GLRX3: variants seen among roughly 807,000 people sequenced by gnomAD.
GLRX3 encodes glutaredoxin 3.
In GLRX3, 22 loss-of-function variants were observed where a neutral mutation model predicts 49.5. That is an observed-to-expected ratio of 0.44 (90% confidence interval 0.32 to 0.63). GLRX3 has a LOEUF of 0.63. Ranked by LOEUF, GLRX3 falls within the 30% of genes least tolerant of loss-of-function variation. GLRX3 has a pLI of 0.05. For synonymous variants in GLRX3, 133 were observed against 140.0 expected (o/e 0.95, Z 0.35); for missense variants, 385 against 396.3 (o/e 0.97, Z 0.24).
At chr10:130,169,929 T>G (rs1862772557) in intron 7 of GLRX3, among the ~76,000 whole-genome samples, 1 of 152,252 alleles carries the variant, frequency 6.6e-6, no homozygotes, top group Non-Finnish European at 1.5e-5. Context: ...GCAGGTGTGC[T>G]CTGTGTGTTT....
chr10:130,141,090 A>G (rs924759430), intron 1 of GLRX3, among the ~76,000 whole-genome samples: 3 of 152,164 alleles, frequency 2.0e-5, no homozygotes, highest in African/African-American at 4.8e-5. Flanking sequence ...TAATCCCAGC[A>G]CTTTGAGAGG....
intron 2 of GLRX3, among the ~76,000 whole-genome samples, chr10:130,153,204 T>C (rs1272314341): frequency 6.6e-6 from 1 of 152,184 alleles, no homozygotes; most frequent in East Asian, 1.9e-4. Context: ...TTGTCTAACT[T>C]TTTTCAAGGT....
At chr10:130,167,911 C>T (rs1029655318) in intron 6 of GLRX3, among the ~76,000 whole-genome samples, 4 of 152,206 alleles carry the variant, frequency 2.6e-5, no homozygotes, top group East Asian at 1.9e-4. Flanking sequence ...TGACTCTGGG[C>T]GTCTTCATGT....
At chr10:130,167,046 A>G in intron 6 of GLRX3, 66 bp downstream of exon 6, 1 of 815,972 alleles carries the variant, frequency 1.2e-6, no homozygotes, top group Non-Finnish European at 1.9e-6. Context: ...TAAAGTCCTC[A>G]GGTTTTGCAT....
At chr10:130,165,994 T>C (rs1344143009) in intron 4 of GLRX3, among the ~76,000 whole-genome samples, 1 of 152,184 alleles carries the variant, frequency 6.6e-6, no homozygotes, top group South Asian at 2.1e-4. Flanking sequence ...TTCAGATTTC[T>C]GGTTTTGTTT....
chr10:130,175,837 C>T (rs1862906548), intron 10 of GLRX3, among the ~76,000 whole-genome samples: 1 of 152,180 alleles, frequency 6.6e-6, no homozygotes, highest in East Asian at 1.9e-4. Context: ...ACACACAGAC[C>T]CCACTGCACC....
chr10:130,177,316 TCCAGAA>T lies in GLRX3; in HGVS notation c.958-2025_958-2020del, dbSNP rs543251557. Reference sequence around the variant, plus strand: ...AGAGTAAACGGTTCACTACTGCTGTTCCAGAATGTTTGGACTTAAGACAGTTTGTTG... The same window carrying T: ...AGAGTAAACGGTTCACTACTGCTGTTTGTTTGGACTTAAGACAGTTTGTTG... On this transcript the variant is annotated intron_variant, in intron 10 of 10. Coordinates refer to ENST00000331244, the MANE Select transcript of GLRX3 (RefSeq NM_006541.5). Among the ~76,000 whole-genome samples the T allele has an allele frequency of 4.4e-3, 664 of 152,316 alleles. 1 individual carries two copies. Among genetic ancestry groups the T allele is most frequent in the Non-Finnish European group, 7.5e-3 (513 of 68,042 alleles).
intron 1 of GLRX3, among the ~76,000 whole-genome samples, chr10:130,138,896 G>T (rs1477810467): frequency 3.8e-5 from 4 of 104,876 alleles, no homozygotes; most frequent in Non-Finnish European, 6.9e-5. Flanking sequence ...TCTCTCTGTT[G>T]CCCAGGCTGG....
chr10:130,137,666 C>A (rs1391557656), intron 1 of GLRX3, among the ~76,000 whole-genome samples: 1 of 152,198 alleles, frequency 6.6e-6, no homozygotes, highest in Non-Finnish European at 1.5e-5. Flanking sequence ...AGGAAGCACT[C>A]AGTAGATGTT....
At chr10:130,147,260 C>A (rs1329103967) in intron 2 of GLRX3, among the ~76,000 whole-genome samples, 2 of 152,196 alleles carry the variant, frequency 1.3e-5, no homozygotes, top group African/African-American at 4.8e-5. Context: ...AATGATTAAA[C>A]ATTTCAATCA....
At chr10:130,152,630 C>T (rs1488708667) in intron 2 of GLRX3, among the ~76,000 whole-genome samples, 1 of 152,162 alleles carries the variant, frequency 6.6e-6, no homozygotes, top group Non-Finnish European at 1.5e-5. Flanking sequence ...ATATTGGCCC[C>T]CACTCTCTTC....
chr10:130,166,696 CTG>C lies in GLRX3; in HGVS notation c.651+20_651+21del. On this transcript the variant is annotated intron_variant, in intron 5 of 10. Transcript: ENST00000331244. ...ATAATTAAGGTTAGAATTGAGAAGTCTGTGCTTTGTAAAGAAATTCCATTTAG... is the reference window on the plus strand; with the variant it reads ...ATAATTAAGGTTAGAATTGAGAAGTCTGCTTTGTAAAGAAATTCCATTTAG... 1 of 1,516,800 alleles carries C rather than the reference CTG, an allele frequency of 6.6e-7. No individual in the cohort carries two copies. Among genetic ancestry groups the C allele is most frequent in the East Asian group, 2.3e-5 (1 of 44,354 alleles). The allele number at this position is 1,516,800 out of a possible 1,614,324, so 94.0% of individuals were successfully genotyped here.
intron 1 of GLRX3, among the ~76,000 whole-genome samples, chr10:130,141,730 GT>G (rs1207903004): frequency 6.6e-6 from 1 of 152,172 alleles, no homozygotes; most frequent in Non-Finnish European, 1.5e-5. Context: ...CTAATTTCCA[GT>G]TTTGATTTAT....
Position 130,158,365 on chromosome 10 carries a change from A to G in GLRX3, c.202-1630A>G, listed in dbSNP as rs1430130394. On this transcript the variant is annotated intron_variant, in intron 2 of 10. Coordinates refer to ENST00000331244, the MANE Select transcript of GLRX3 (RefSeq NM_006541.5). ...GTAGCCGGGATTACAGGCACCCGCC[A>G]TCATGCCTGGCTAAGAAATCAGATT... 2.6e-5 allele frequency among the ~76,000 whole-genome samples: 4 copies of G among 152,306 alleles called. No homozygotes were observed. The East Asian group carries it at 7.7e-4, about 29-fold the overall frequency.
At chr10:130,173,439 G>T (rs1454951370) in intron 8 of GLRX3, among the ~76,000 whole-genome samples, 1 of 152,178 alleles carries the variant, frequency 6.6e-6, no homozygotes, top group Non-Finnish European at 1.5e-5. Context: ...TGCTCTTGCT[G>T]GGCGCCAAAT....
intron 1 of GLRX3, among the ~76,000 whole-genome samples, chr10:130,139,331 T>G (rs1225452132): frequency 6.6e-6 from 1 of 151,310 alleles, no homozygotes; most frequent in African/African-American, 2.4e-5. Context: ...GCTTTTTTGG[T>G]GAAGATGGAG....
rs752192310 is a variant in GLRX3 at position 130,171,618 on chromosome 10, A to C, written c.806A>C (p.Glu269Ala). Residue 269 changes from glutamate to alanine, a missense_variant, in exon 8 of 11, where the codon GAA becomes GCA. Transcript: ENST00000331244. ...AKCGFSKQIL[E>A]ILNSTGVEYE... ...TGTGGATTCAGCAAACAAATTCTGG[A>C]AATACTAAATAGTACTGGGTATGTA... The C allele has an allele frequency of 7.1e-6, 11 of 1,539,808 alleles. No individual in the cohort carries two copies. The highest frequency in any genetic ancestry group is 9.9e-6 in the Non-Finnish European group (11 of 1,112,556).
rs140329680 is a variant in GLRX3 at position 130,138,670 on chromosome 10, A to G, written c.92+2158A>G. Among the ~76,000 whole-genome samples, 809 of 152,272 alleles carry G rather than the reference A, an allele frequency of 5.3e-3. 2 individuals carry two copies. The highest frequency in any genetic ancestry group is 0.018 in the African/African-American group (765 of 41,562). On this transcript the variant is annotated intron_variant, in intron 1 of 10. Transcript: ENST00000331244. ...TCTGACTCATCCAGTACAGATCAGC[A>G]CAATCACAGGAGTCACCAGAAGTGG...
rs1325377181 is a variant in GLRX3, at chr10:130,176,788, CTCTCTATATA to C, written c.957+1701_957+1710del. On this transcript the variant is annotated intron_variant, in intron 10 of 10. Transcript: ENST00000331244. Reference sequence around the variant, plus strand: ...TCCCTCCCTCTTTCTCTCTCTCTCTCTCTCTATATATATATATATAGTCTTATTTTTGTAA... The same window carrying C: ...TCCCTCCCTCTTTCTCTCTCTCTCTCTATATATATAGTCTTATTTTTGTAA... Among the ~76,000 whole-genome samples, 328 of 136,446 alleles carry C rather than the reference CTCTCTATATA, an allele frequency of 2.4e-3. 3 individuals are homozygous for C. The highest frequency in any genetic ancestry group is 7.4e-3 in the African/African-American group (279 of 37,680). The allele number at this position is 136,446 out of a possible 152,430, so 89.5% of individuals were successfully genotyped here.
Sources: allele counts gnomAD v4.1 joint callset (sites outside exome capture counted in the v4.1 genomes callset), GRCh38; gene constraint gnomAD v4.1.1; transcripts MANE v1.5; gene names NCBI Gene and HGNC (gene_info 2026-07-23, HGNC 2026-07-21).